Variants in FER1L6 observed in about 807,000 individuals in gnomAD.
FER1L6 encodes the protein fer-1-like protein 6.
Under a neutral mutation model 219.2 loss-of-function variants are expected in FER1L6, and 177 were observed. The observed-to-expected ratio is 0.81, with a 90% CI of 0.71 to 0.91. The LOEUF (loss-of-function observed/expected upper bound fraction) is 0.91, where lower values mean the gene tolerates loss of function less well. FER1L6 is among the 40% of genes least tolerant of loss of function. FER1L6 has a pLI of 0.00. For synonymous variants in FER1L6, 768 were observed against 824.3 expected, an observed-to-expected ratio of 0.93 and a Z score of 1.17; for missense variants, 2,153 against 2,259.9, an observed-to-expected ratio of 0.95 and a Z score of 0.96.
Position 124,119,572 on chromosome 8 carries a change from G to A in FER1L6, c.5391-35G>A, listed in dbSNP as rs575941877. Reference sequence around the variant, plus strand: ...TAAGCATTCTGAGTGTTGACAGGATGCCCCCTTTTTGATTTTCTCTTCCTT... The same window carrying A: ...TAAGCATTCTGAGTGTTGACAGGATACCCCCTTTTTGATTTTCTCTTCCTT... On this transcript the variant is annotated intron_variant, in intron 40 of 40. Coordinates refer to ENST00000522917, the MANE Select transcript of FER1L6 (RefSeq NM_001039112.2). 328 of 1,374,128 alleles carry A rather than the reference G, an allele frequency of 2.4e-4. 1 individual carries two copies. The African/African-American group carries it at 4.1e-3, about 17-fold the overall frequency. 85.1% of individuals were successfully genotyped at this position (1,374,128 alleles called of 1,614,324 possible).
intron 6 of FER1L6, 140 bp from the exon 7 acceptor site, chr8:123,973,294 G>A: frequency 1.5e-6 from 1 of 649,674 alleles, no homozygotes; most frequent in Non-Finnish European, 2.8e-6. Flanking sequence ...GGTGTTGAGG[G>A]GCTTCTGGAG....
At chr8:124,021,779 C>G (rs1818464054) in intron 17 of FER1L6, 110 bp downstream of exon 17, 17 of 1,298,562 alleles carry the variant, frequency 1.3e-5, no homozygotes, top group Non-Finnish European at 1.7e-5. Context: ...TTCTCCCCAG[C>G]CCTAGTGGGC....
chr8:124,118,389 G>A (rs966881803), intron 39 of FER1L6, among the ~76,000 whole-genome samples: 1 of 152,172 alleles, frequency 6.6e-6, no homozygotes, highest in African/African-American at 2.4e-5. Context: ...ACAACCAAAA[G>A]AATGAAGAGT....
At chr8:123,980,865 G>C in intron 11 of FER1L6, 54 bp downstream of exon 11, 5 of 1,430,932 alleles carry the variant, frequency 3.5e-6, no homozygotes, top group Non-Finnish European at 4.8e-6. Flanking sequence ...ACCAGAGCAG[G>C]GACTGCCCCT....
chr8:123,946,336 C>T (rs1024235777), intron 1 of FER1L6, among the ~76,000 whole-genome samples: 1 of 152,276 alleles, frequency 6.6e-6, no homozygotes, highest in African/African-American at 2.4e-5. Context: ...ACTGCAACCT[C>T]GGCCTCCTGG....
intron 33 of FER1L6, among the ~76,000 whole-genome samples, chr8:124,084,814 CTTTG>C (rs1459428261): frequency 6.6e-6 from 1 of 151,902 alleles, no homozygotes; most frequent in Non-Finnish European, 1.5e-5. Flanking sequence ...TATCCTTTTT[CTTTG>C]TTTTTCAGAT....
chr8:123,995,868 A>G (rs1817109910), intron 12 of FER1L6, among the ~76,000 whole-genome samples: 1 of 151,806 alleles, frequency 6.6e-6, no homozygotes, highest in African/African-American at 2.4e-5. Context: ...TTGTGTTTCC[A>G]TTATTTGTTT....
At chr8:123,945,241 G>A (rs1432075578) in intron 1 of FER1L6, among the ~76,000 whole-genome samples, 3 of 152,176 alleles carry the variant, frequency 2.0e-5, no homozygotes, top group Admixed American at 2.0e-4. Context: ...AGCTGAGGCT[G>A]AAATCCCGAG....
Position 123,933,396 on chromosome 8 carries a change from GTGTGTC to G in FER1L6, c.-7-22590_-7-22585del, listed in dbSNP as rs1358236692. On this transcript the variant is annotated intron_variant, in intron 1 of 40. Coordinates refer to ENST00000522917, the MANE Select transcript of FER1L6 (RefSeq NM_001039112.2). ...TGTGTGTCTGTGTGTGTGTGTGTGT[GTGTGTC>G]TGTGTGTGTGTAGCCTCACACTAGC... 8.3e-3 allele frequency among the ~76,000 whole-genome samples: 728 copies of G among 87,196 alleles called. 1 individual carries two copies. The highest frequency in any genetic ancestry group is 0.028 in the Middle Eastern group (5 of 180). The allele number at this position is 87,196 out of a possible 152,430, so 57.2% of individuals were successfully genotyped here.
intron 5 of FER1L6, 150 bp downstream of exon 5, chr8:123,966,440 A>G: frequency 1.0e-6 from 1 of 991,194 alleles, no homozygotes; most frequent in Non-Finnish European, 1.5e-6. Context: ...CTTCTTACAA[A>G]CACAGCCCCC....
intron 1 of FER1L6, among the ~76,000 whole-genome samples, chr8:123,882,377 A>G (rs1460064641): frequency 5.3e-5 from 8 of 152,214 alleles, no homozygotes; most frequent in African/African-American, 1.9e-4. Context: ...CGGAGTGATT[A>G]GTGAAGAATA....
chr8:123,963,134 T>A, intron 2 of FER1L6, 144 bp from the exon 3 acceptor site: 1 of 1,038,366 alleles, frequency 9.6e-7, no homozygotes, highest in Non-Finnish European at 1.4e-6. Context: ...GCCAATAAGA[T>A]GTTAAGTTTT....
intron 30 of FER1L6, 50 bp from the exon 31 acceptor site, chr8:124,071,456 G>C (rs766711491): frequency 6.2e-7 from 1 of 1,606,244 alleles, no homozygotes; most frequent in Non-Finnish European, 8.5e-7. Context: ...GTGGGTTTTG[G>C]TGGGACATAT....
Position 124,040,010 on chromosome 8 carries a change from A to G in FER1L6, c.2589+4A>G, listed in dbSNP as rs777042933. On this transcript the variant is annotated splice_donor_region_variant and intron_variant, in intron 20 of 40. Coordinates refer to ENST00000522917, the MANE Select transcript of FER1L6 (RefSeq NM_001039112.2). ...TTCTCACTGCCAGACAACAAAGGTA[A>G]CCAGGGTAACCAAGACAGCCTGCTT... 3.7e-6 allele frequency: 6 copies of G among 1,613,908 alleles called. No homozygotes were observed. Among genetic ancestry groups the G allele is most frequent in the Non-Finnish European group, 5.1e-6 (6 of 1,179,942 alleles).
At chr8:124,071,021 C>T (rs1404370551) in intron 30 of FER1L6, among the ~76,000 whole-genome samples, 1 of 152,190 alleles carries the variant, frequency 6.6e-6, no homozygotes, top group Non-Finnish European at 1.5e-5. Flanking sequence ...CAAGCTGGGC[C>T]CTTTCTATGC....
intron 1 of FER1L6, among the ~76,000 whole-genome samples, chr8:123,891,567 G>A (rs905615126): frequency 3.3e-5 from 5 of 152,182 alleles, no homozygotes; most frequent in Non-Finnish European, 7.3e-5. Context: ...TTAATACAGT[G>A]TTTTGAAGTG....
chr8:124,010,506 C>G, intron 13 of FER1L6, 88 bp from the exon 14 acceptor site: 1 of 1,520,528 alleles, frequency 6.6e-7, no homozygotes, highest in South Asian at 1.3e-5. Context: ...CGAGTCCTGC[C>G]CAGAACGTAT....
chr8:124,110,112 C>G (rs1309140558), intron 39 of FER1L6, among the ~76,000 whole-genome samples: 1 of 152,196 alleles, frequency 6.6e-6, no homozygotes, highest in Non-Finnish European at 1.5e-5. Flanking sequence ...CAGAACACAT[C>G]CAATGACTTC....
rs937375820 is a variant in FER1L6, at chr8:124,017,759, A to C, written c.2013+41A>C. 3.9e-6 allele frequency: 6 copies of C among 1,538,874 alleles called. No homozygotes were observed. The African/African-American group carries it at 6.8e-5, about 18-fold the overall frequency. On this transcript the variant is annotated intron_variant, in intron 16 of 40. Transcript: ENST00000522917. The stretch of plus-strand genomic sequence containing the variant: ...TTTATACTTTGTGGACAGAGTTAAA[A>C]ATAAACCTCACGGATGAGGCATAGG...
Sources: gnomAD v4.1 joint callset for allele counts (sites outside exome capture counted in the v4.1 genomes callset) on GRCh38, gnomAD v4.1.1 for gene constraint, MANE v1.5 for transcripts, NCBI Gene and HGNC (gene_info 2026-07-23, HGNC 2026-07-21) for gene names.